FRYL: variants seen among roughly 807,000 people sequenced by gnomAD.
FRYL encodes the protein FRY like transcription coactivator.
In FRYL, 150 loss-of-function variants were observed where a neutral mutation model predicts 351.2. The observed-to-expected ratio is 0.43, with a 90% CI of 0.37 to 0.49. The LOEUF (loss-of-function observed/expected upper bound fraction) is 0.49, where lower values mean the gene tolerates loss of function less well. Among genes scored for constraint, FRYL ranks in the 20% least tolerant of loss-of-function variants. The pLI, the probability that FRYL is intolerant of heterozygous loss-of-function variation, is 0.00. For synonymous variants in FRYL, 1,153 were observed against 1,257.1 expected, an observed-to-expected ratio of 0.92 and a Z score of 1.75; for missense variants, 3,036 against 3,619.3, an observed-to-expected ratio of 0.84 and a Z score of 4.13.
chr4:48,661,335 G>A (rs1010269292), intron 3 of FRYL, among the ~76,000 whole-genome samples: 1 of 152,180 alleles, frequency 6.6e-6, no homozygotes. Flanking sequence ...CATGACAAAG[G>A]AGAATGATGA....
intron 7 of FRYL, among the ~76,000 whole-genome samples, chr4:48,616,984 G>A (rs563065877): frequency 8.9e-4 from 136 of 152,188 alleles, no homozygotes; most frequent in African/African-American, 2.9e-3. Flanking sequence ...TTTTTACATC[G>A]TTTTCTCTAG....
At chr4:48,680,894 T>C (rs1301383524) in intron 3 of FRYL, 1 of 867,230 alleles carries the variant, frequency 1.2e-6, no homozygotes, top group Non-Finnish European at 1.5e-6. Context: ...TAAAATACTT[T>C]TTTAAAGGAT....
chr4:48,664,178 T>A (rs1352228074), intron 3 of FRYL, among the ~76,000 whole-genome samples: 2 of 152,158 alleles, frequency 1.3e-5, no homozygotes, highest in Non-Finnish European at 2.9e-5. Flanking sequence ...TCAGAGAACA[T>A]CTGAAATACT....
At chr4:48,637,276 TG>T (rs1195612694) in intron 3 of FRYL, 1 of 152,080 alleles carries the variant, frequency 6.6e-6, no homozygotes, top group African/African-American at 2.4e-5. Flanking sequence ...CCATCAAAGT[TG>T]TCCCCCTCAA....
chr4:48,514,994 C>T (rs750679758), intron 56 of FRYL, 34 bp downstream of exon 56: 1 of 1,576,590 alleles, frequency 6.3e-7, no homozygotes, highest in Non-Finnish European at 8.6e-7. Context: ...GAGATTATCC[C>T]CTCACTACAG....
At chr4:48,738,532 T>C (rs1304010505) in intron 1 of FRYL, among the ~76,000 whole-genome samples, 1 of 152,162 alleles carries the variant, frequency 6.6e-6, no homozygotes, top group African/African-American at 2.4e-5. Context: ...GGGGTCTCAC[T>C]CTGTCACCCA....
intron 1 of FRYL, among the ~76,000 whole-genome samples, chr4:48,754,181 C>G (rs1388249244): frequency 6.6e-6 from 1 of 152,160 alleles, no homozygotes; most frequent in African/African-American, 2.4e-5. Flanking sequence ...AAGCAGTCAC[C>G]ATTCTTCCTT....
chr4:48,521,295 T>C, intron 54 of FRYL, 80 bp from the exon 55 acceptor site: 2 of 1,041,980 alleles, frequency 1.9e-6, no homozygotes, highest in Non-Finnish European at 2.8e-6. Flanking sequence ...TAAAATATTT[T>C]AGGGGCTTCG....
At chr4:48,653,634 T>A in intron 3 of FRYL, 1 of 932,978 alleles carries the variant, frequency 1.1e-6, no homozygotes, top group Non-Finnish European at 1.5e-6. Flanking sequence ...TTTGGATTGG[T>A]CTGAAGAATC....
intron 2 of FRYL, among the ~76,000 whole-genome samples, chr4:48,708,267 G>A (rs557919954): frequency 2.0e-5 from 3 of 147,540 alleles, no homozygotes; most frequent in South Asian, 2.2e-4. Context: ...CAACAAGAGC[G>A]AGACTCCGTC....
Position 48,565,028 on chromosome 4 carries a change from G to T in FRYL, c.3346C>A (p.Leu1116Met). 6.4e-7 allele frequency: 1 copy of T among 1,572,110 alleles called. No homozygotes were observed. The highest frequency in any genetic ancestry group is 8.7e-7 in the Non-Finnish European group (1 of 1,153,270). Residue 1116 changes from leucine to methionine, a missense_variant, in exon 30 of 64, where the codon CTG becomes ATG. Coordinates refer to ENST00000358350, the MANE Select transcript of FRYL (RefSeq NM_015030.2). Reference sequence around the variant, plus strand: ...TTATCTGCAACAGGGCCACAACACAGTACAGCAGACATAGCCTTCAAATAA... The same window carrying T: ...TTATCTGCAACAGGGCCACAACACATTACAGCAGACATAGCCTTCAAATAA... ...YCALKAMSAVLCCGPVADNVG... is the reference protein window; with the variant it reads ...YCALKAMSAVMCCGPVADNVG...
intron 37 of FRYL, 32 bp downstream of exon 37, chr4:48,551,462 G>C: frequency 8.2e-7 from 1 of 1,224,598 alleles, no homozygotes; most frequent in Non-Finnish European, 1.2e-6. Flanking sequence ...CTGTCAAACT[G>C]AAAGGCTAAT....
chr4:48,595,667 G>A lies in FRYL; in HGVS notation c.1171C>T (p.Pro391Ser). ...RLMSIVSALF[P>S]KGSRSVVPRD... ...GGAACCACACTTCGTGAGCCTTTTG[G>A]AAAAAGTGCTGACACTATGCTCATA... is the stretch of plus-strand genomic sequence containing the variant. The change falls in exon 15 of 64, where the codon CCA becomes TCA. Residue 391 changes from proline (P) to serine (S), a missense_variant. Coordinates refer to ENST00000358350, the MANE Select transcript of FRYL (RefSeq NM_015030.2). 6.2e-7 allele frequency: 1 copy of A among 1,612,644 alleles called. No homozygotes were observed. Among genetic ancestry groups the A allele is most frequent in the South Asian group, 1.1e-5 (1 of 90,886 alleles).
At chr4:48,730,624 C>T (rs554902092) in intron 1 of FRYL, among the ~76,000 whole-genome samples, 1 of 152,234 alleles carries the variant, frequency 6.6e-6, no homozygotes, top group East Asian at 1.9e-4. Context: ...TCATATCCAG[C>T]CAAACTAAGC....
intron 23 of FRYL, 87 bp from the exon 24 acceptor site, chr4:48,576,309 T>C (rs2149133688): frequency 9.0e-7 from 1 of 1,111,742 alleles, no homozygotes; most frequent in East Asian, 2.8e-5. Context: ...AATTTCTTTT[T>C]TTTTTTTTTT....
chr4:48,706,986 C>G (rs560378491), intron 2 of FRYL, among the ~76,000 whole-genome samples: 1 of 152,238 alleles, frequency 6.6e-6, no homozygotes, highest in East Asian at 1.9e-4. Flanking sequence ...ATGAGAGACT[C>G]TGAGCCAAAA....
At chr4:48,557,915 T>C (rs1408611323) in intron 33 of FRYL, among the ~76,000 whole-genome samples, 1 of 152,252 alleles carries the variant, frequency 6.6e-6, no homozygotes, top group Non-Finnish European at 1.5e-5. Flanking sequence ...ATACATTTTA[T>C]ACAAAATACT....
intron 1 of FRYL, among the ~76,000 whole-genome samples, chr4:48,715,730 A>C (rs1016025040): frequency 2.0e-5 from 3 of 152,324 alleles, no homozygotes; most frequent in African/African-American, 7.2e-5. Context: ...TGCCATCCCC[A>C]TCAAGCTAGC....
chr4:48,557,767 C>A (rs1206081297), intron 33 of FRYL, 55 bp from the exon 34 acceptor site: 2 of 1,584,386 alleles, frequency 1.3e-6, no homozygotes, highest in African/African-American at 1.3e-5. Context: ...TCCTCTGACC[C>A]GTAATTAATT....
Sources: gnomAD v4.1 joint callset for allele counts (sites outside exome capture counted in the v4.1 genomes callset) on GRCh38, gnomAD v4.1.1 for gene constraint, MANE v1.5 for transcripts, NCBI Gene and HGNC (gene_info 2026-07-23, HGNC 2026-07-21) for gene names.